Variants in DLST observed in about 807,000 individuals in gnomAD.
DLST encodes dihydrolipoyllysine-residue succinyltransferase component of 2-oxoglutarate dehydrogenase complex, mitochondrial.
In DLST, 17 loss-of-function variants were observed where a neutral mutation model predicts 53.1. The observed-to-expected ratio is 0.32, with a 90% CI of 0.22 to 0.48. The LOEUF is 0.48. DLST is among the 20% of genes least tolerant of loss of function. The pLI is 0.99. For missense variants in DLST, 512 were observed against 583.9 expected (o/e 0.88, Z 1.27); for synonymous variants, 206 against 204.8 (o/e 1.01, Z -0.05).
At chr14:74,898,056 A>G (rs1209967996) in intron 10 of DLST, among the ~76,000 whole-genome samples, 2 of 152,072 alleles carry the variant, frequency 1.3e-5, no homozygotes, top group African/African-American at 2.4e-5. Flanking sequence ...ATTCAGGGCA[A>G]GGATGTTGGT....
chr14:74,890,428 T>C (rs753906696), intron 6 of DLST, among the ~76,000 whole-genome samples: 29 of 152,210 alleles, frequency 1.9e-4, no homozygotes, highest in Non-Finnish European at 4.0e-4. Context: ...TGCATTTAAC[T>C]TTAAATTGTT....
intron 7 of DLST, among the ~76,000 whole-genome samples, chr14:74,892,285 G>A (rs1883937037): frequency 6.6e-6 from 1 of 152,146 alleles, no homozygotes; most frequent in African/African-American, 2.4e-5. Flanking sequence ...CTTTCACCAT[G>A]TTGGCCAGGA....
chr14:74,897,930 T>C (rs1884120713), intron 10 of DLST, among the ~76,000 whole-genome samples: 1 of 148,882 alleles, frequency 6.7e-6, no homozygotes, highest in Admixed American at 6.6e-5. Context: ...ATACTCAGAT[T>C]TGGTGGGGTT....
intron 6 of DLST, 66 bp downstream of exon 6, chr14:74,890,018 C>A: frequency 1.4e-6 from 2 of 1,423,502 alleles, no homozygotes; most frequent in Non-Finnish European, 2.0e-6. Flanking sequence ...ATGAAAGAAA[C>A]AGGGACTTAA....
rs931763657 is a variant in DLST, at chr14:74,890,612, G to A, written c.331-444G>A. Among the ~76,000 whole-genome samples, 5 of 152,318 alleles carry A rather than the reference G, an allele frequency of 3.3e-5. No homozygotes were observed. The South Asian group carries it at 1.0e-3, about 32-fold the overall frequency. On this transcript the variant is annotated intron_variant, in intron 6 of 14. Transcript: ENST00000334220. ...GGACAGAAAGTGAATCTTCACAGTA[G>A]CGATGACTTGTTATCACCCTTGCTC...
At chr14:74,884,881 G>C (rs540702406) in intron 2 of DLST, among the ~76,000 whole-genome samples, 69 of 152,192 alleles carry the variant, frequency 4.5e-4, no homozygotes, top group Non-Finnish European at 7.6e-4. Context: ...GAATTCAGAA[G>C]AGGCAGCTGT....
intron 10 of DLST, among the ~76,000 whole-genome samples, chr14:74,895,644 A>G (rs901678206): frequency 1.3e-5 from 2 of 152,142 alleles, no homozygotes; most frequent in Admixed American, 6.5e-5. Flanking sequence ...TTGCGCTTGT[A>G]ATCGCAACAC....
At position 74,902,895 on chromosome 14, in the gene DLST, C is replaced by T. The variant is rs145711173; in HGVS notation, c.*565C>T. 1 of 152,810 alleles carries T rather than the reference C, an allele frequency of 6.5e-6. No individual in the cohort carries two copies. The highest frequency in any genetic ancestry group is 6.5e-5 in the Admixed American group (1 of 15,308). The allele number at this position is 152,810 out of a possible 1,614,324, so 9.5% of individuals were successfully genotyped here. A position where few individuals can be genotyped will look rare whatever the true frequency, so the allele number is the denominator to read the frequency against. On this transcript the variant is annotated 3_prime_UTR_variant, in exon 15 of 15. Transcript: ENST00000334220. ...CGTTGTCATTGACTTCAAGATGCCTCTTCTACCTCTTCCAGGAAGCACAGG... is the reference window on the plus strand; with the variant it reads ...CGTTGTCATTGACTTCAAGATGCCTTTTCTACCTCTTCCAGGAAGCACAGG...
intron 2 of DLST, among the ~76,000 whole-genome samples, chr14:74,882,877 G>C (rs548545811): frequency 1.4e-4 from 22 of 152,316 alleles, no homozygotes; most frequent in Non-Finnish European, 1.9e-4. Flanking sequence ...TCTTGCCCTC[G>C]TGGAGCTCCT....
intron 2 of DLST, among the ~76,000 whole-genome samples, chr14:74,882,873 C>G (rs1883576790): frequency 6.6e-6 from 1 of 152,186 alleles, no homozygotes; most frequent in African/African-American, 2.4e-5. Flanking sequence ...CAGTTCTTGC[C>G]CTCGTGGAGC....
chr14:74,895,785 A>G (rs1182764061), intron 10 of DLST, among the ~76,000 whole-genome samples: 1 of 152,058 alleles, frequency 6.6e-6, no homozygotes, highest in Non-Finnish European at 1.5e-5. Flanking sequence ...CTGTAATCCC[A>G]GCTACTCGGA....
At chr14:74,882,341 G>T (rs1355013115) in intron 1 of DLST, among the ~76,000 whole-genome samples, 1 of 152,222 alleles carries the variant, frequency 6.6e-6, no homozygotes, top group Non-Finnish European at 1.5e-5. Context: ...CCTCCGGCGG[G>T]ATTCGGCGCC....
At chr14:74,891,259 ACT>A (rs745796385) in intron 7 of DLST, 92 bp downstream of exon 7, 2 of 1,569,104 alleles carry the variant, frequency 1.3e-6, no homozygotes, top group Non-Finnish European at 1.7e-6. Context: ...TATGTCAAAG[ACT>A]CTTGTCATTC....
At position 74,889,888 on chromosome 14, in the gene DLST, T is replaced by C. The variant is rs780244844; in HGVS notation, c.275-9T>C. On this transcript the variant is annotated splice_polypyrimidine_tract_variant and intron_variant, in intron 5 of 14. Transcript: ENST00000334220. ...CAGGTAGCCTTGTAGCCTTTGATTG[T>C]CTTTTCAGCTGTTGGAGACACAGTT... 11 of 1,613,852 alleles carry C rather than the reference T, an allele frequency of 6.8e-6. No homozygotes were observed. Among genetic ancestry groups the C allele is most frequent in the Admixed American group, 1.7e-5 (1 of 59,968 alleles).
intron 6 of DLST, 136 bp from the exon 7 acceptor site, chr14:74,890,920 C>T (rs1432977268): frequency 1.6e-5 from 19 of 1,213,346 alleles, no homozygotes; most frequent in East Asian, 2.8e-5. Context: ...TCAAGTGATC[C>T]GCCTGCCTTG....
intron 13 of DLST, among the ~76,000 whole-genome samples, chr14:74,900,729 C>CT (rs1884218874): frequency 6.6e-6 from 1 of 152,136 alleles, no homozygotes; most frequent in African/African-American, 2.4e-5. Flanking sequence ...ACTTCCTTTG[C>CT]TTTTTTGTTT....
rs141856572 is a variant in DLST at position 74,903,187 on chromosome 14, C to T, written c.*857C>T. 6 of 152,670 alleles carry T rather than the reference C, an allele frequency of 3.9e-5. No individual in the cohort carries two copies. The highest frequency in any genetic ancestry group is 1.9e-4 in the East Asian group (1 of 5,200). The allele number at this position is 152,670 out of a possible 1,614,324, so 9.5% of individuals were successfully genotyped here. On this transcript the variant is annotated 3_prime_UTR_variant, in exon 15 of 15. Transcript: ENST00000334220. ...ATGGCAGTGGGACCAAGCGTGGTCC[C>T]GAGGAAGGGCCAGAGCCTGGTAGAG...
chr14:74,886,886 C>T (rs1056240913), intron 3 of DLST, among the ~76,000 whole-genome samples: 3 of 151,982 alleles, frequency 2.0e-5, no homozygotes, highest in Non-Finnish European at 4.4e-5. Context: ...GGATTACAGG[C>T]GCACGCTACC....
intron 14 of DLST, among the ~76,000 whole-genome samples, 172 bp from the exon 15 acceptor site, chr14:74,902,024 G>C (rs1428879309): frequency 1.3e-5 from 2 of 152,188 alleles, no homozygotes; most frequent in Admixed American, 1.3e-4. Flanking sequence ...GAGTGGGGAA[G>C]CTTTGCACTG....
Sources: gnomAD v4.1 joint callset for allele counts (sites outside exome capture counted in the v4.1 genomes callset) on GRCh38, gnomAD v4.1.1 for gene constraint, MANE v1.5 for transcripts, NCBI Gene and HGNC (gene_info 2026-07-23, HGNC 2026-07-21) for gene names.